The following NNT variants were observed in gnomAD, a reference collection of about 807,000 sequenced individuals.
NNT encodes NAD(P) transhydrogenase, mitochondrial.
A neutral mutation model predicts 104.8 loss-of-function variants in NNT; 50 were observed. That is an observed-to-expected ratio of 0.48 (90% CI 0.38 to 0.60). The LOEUF (loss-of-function observed/expected upper bound fraction) is 0.60, where lower values mean the gene tolerates loss of function less well. Ranked by LOEUF, NNT falls within the 20% of genes least tolerant of loss-of-function variation. The pLI is 0.00. For missense variants in NNT, 1,131 were observed against 1,330.7 expected (o/e 0.85, Z 2.33); for synonymous variants, 461 against 490.4 (o/e 0.94, Z 0.79).
At chr5:43,665,780 G>GCTC (rs1432400039) in intron 17 of NNT, among the ~76,000 whole-genome samples, 15 of 104,072 alleles carry the variant, frequency 1.4e-4, no homozygotes, top group Admixed American at 3.0e-4. Flanking sequence ...GGGCAGAGGG[G>GCTC]CTCACTTCCC....
chr5:43,640,013 T>C (rs544821304), intron 7 of NNT, among the ~76,000 whole-genome samples: 11 of 152,178 alleles, frequency 7.2e-5, no homozygotes, highest in Non-Finnish European at 1.3e-4. Flanking sequence ...ATAGAAAAGT[T>C]AAAGCCCAAT....
chr5:43,697,438 C>T (rs1742616018), intron 19 of NNT, among the ~76,000 whole-genome samples: 1 of 152,136 alleles, frequency 6.6e-6, no homozygotes. Context: ...CAAACTTTCC[C>T]ACGTTTTCCT....
intron 8 of NNT, 101 bp from the exon 9 acceptor site, chr5:43,644,510 T>C (rs143764471): frequency 1.1e-5 from 13 of 1,180,678 alleles, no homozygotes; most frequent in African/African-American, 7.8e-5. Context: ...CATAAAGATA[T>C]ATAATTACAA....
rs1740757314 is a variant in NNT, at chr5:43,667,240, C to T, written c.2634+7890C>T. The stretch of plus-strand genomic sequence containing the variant: ...GTTCTTGGACTTGGCCATGTCTGCA[C>T]CTTAAGCTGCCGGTCCCGAAGTGCC... On this transcript the variant is annotated intron_variant, in intron 17 of 21. Coordinates refer to ENST00000344920, the MANE Select transcript of NNT (RefSeq NM_182977.3). 5.4e-6 allele frequency: 5 copies of T among 925,586 alleles called. No individual in the cohort carries two copies. In the East Asian group the frequency reaches 1.2e-4, roughly 22 times the overall value. 57.3% of individuals were successfully genotyped at this position (925,586 alleles called of 1,614,324 possible).
At chr5:43,653,894 G>T (rs1426053865) in intron 14 of NNT, among the ~76,000 whole-genome samples, 7 of 151,754 alleles carry the variant, frequency 4.6e-5, no homozygotes, top group East Asian at 3.9e-4. Flanking sequence ...TGTGGAGGTT[G>T]CAGTGAGCTG....
rs373996130 is a variant in NNT at position 43,609,173 on chromosome 5, G to A, written c.-23G>A. On this transcript the variant is annotated 5_prime_UTR_variant, in exon 2 of 22. Transcript: ENST00000344920. ...TGCCTTCAAGGAAACTGGGGAGTCA[G>A]AAAATTGGGAACTCATATCAACATG... The A allele has an allele frequency of 9.0e-5, 143 of 1,591,170 alleles. No homozygotes were observed. In the African/African-American group the frequency reaches 1.7e-3, roughly 19 times the overall value.
intron 3 of NNT, 122 bp downstream of exon 3, chr5:43,613,259 C>A: frequency 1.3e-6 from 1 of 750,564 alleles, no homozygotes; most frequent in Non-Finnish European, 2.1e-6. Flanking sequence ...GTGTATTTTT[C>A]TCAAAGAAAT....
At chr5:43,647,485 A>G (rs1739515226) in intron 10 of NNT, among the ~76,000 whole-genome samples, 1 of 152,168 alleles carries the variant, frequency 6.6e-6, no homozygotes, top group African/African-American at 2.4e-5. Context: ...ATGAACTTAT[A>G]TGTGTTTTTC....
chr5:43,702,186 G>A (rs181964799), intron 20 of NNT, among the ~76,000 whole-genome samples: 3 of 152,258 alleles, frequency 2.0e-5, no homozygotes, highest in East Asian at 1.9e-4. Context: ...TTTTCACAAG[G>A]CTGATGTCCA....
intron 1 of NNT, among the ~76,000 whole-genome samples, chr5:43,608,741 G>T (rs1374353392): frequency 1.3e-5 from 2 of 152,164 alleles, no homozygotes; most frequent in East Asian, 3.8e-4. Context: ...AAATTCAAAG[G>T]TAACTGAATT....
chr5:43,627,823 C>T (rs1045847052), intron 6 of NNT, among the ~76,000 whole-genome samples: 1 of 152,034 alleles, frequency 6.6e-6, no homozygotes, highest in Non-Finnish European at 1.5e-5. Flanking sequence ...AGAATATTTA[C>T]AAGTGAAAAA....
chr5:43,667,130 C>T (rs1740747758), intron 17 of NNT: 4 of 1,499,910 alleles, frequency 2.7e-6, no homozygotes, highest in East Asian at 4.5e-5. Context: ...TTGGGGTCCA[C>T]CCCCTTAAGA....
chr5:43,695,932 C>T (rs529981316), intron 19 of NNT, among the ~76,000 whole-genome samples: 2 of 152,316 alleles, frequency 1.3e-5, no homozygotes, highest in South Asian at 4.1e-4. Flanking sequence ...TTACCTCCCA[C>T]TGGGTCTCTC....
Position 43,677,847 on chromosome 5 carries a change from A to ATG in NNT, c.2876+50_2876+51dup, listed in dbSNP as rs1446056303. 4.7e-6 allele frequency: 7 copies of ATG among 1,485,720 alleles called. No homozygotes were observed. The African/African-American group carries it at 5.5e-5, about 12-fold the overall frequency. The allele number at this position is 1,485,720 out of a possible 1,614,324, so 92.0% of individuals were successfully genotyped here. ...GGAGAGGCTTGCACTATGTGTAAAG[A>ATG]TGTGTGTGTGGAGAAAAGGAAATAC... On this transcript the variant is annotated intron_variant, in intron 19 of 21. Transcript: ENST00000344920.
chr5:43,630,432 A>G (rs1194267134), intron 7 of NNT, among the ~76,000 whole-genome samples: 1 of 152,188 alleles, frequency 6.6e-6, no homozygotes, highest in Non-Finnish European at 1.5e-5. Flanking sequence ...ATATTTTTCT[A>G]TATATGTGAG....
At chr5:43,701,814 A>G (rs1247430940) in intron 20 of NNT, among the ~76,000 whole-genome samples, 4 of 152,004 alleles carry the variant, frequency 2.6e-5, no homozygotes, top group African/African-American at 9.7e-5. Context: ...TTTGCTTTGC[A>G]TTTCTCTTAT....
intron 17 of NNT, among the ~76,000 whole-genome samples, chr5:43,668,837 G>A (rs1292379696): frequency 2.0e-5 from 3 of 152,172 alleles, no homozygotes; most frequent in Non-Finnish European, 4.4e-5. Context: ...GTAACTTGAT[G>A]GGGATGGCAT....
intron 19 of NNT, 93 bp downstream of exon 19, chr5:43,677,899 T>G: frequency 1.0e-6 from 1 of 1,004,966 alleles, no homozygotes; most frequent in Non-Finnish European, 1.6e-6. Context: ...ATGTAGGGGT[T>G]AGGGCACTGA....
chr5:43,635,039 C>T (rs548135033), intron 7 of NNT, among the ~76,000 whole-genome samples: 1 of 152,286 alleles, frequency 6.6e-6, no homozygotes, highest in East Asian at 1.9e-4. Context: ...GCACAAATAG[C>T]GTTACTGCTA....
Sources: allele counts gnomAD v4.1 joint callset (sites outside exome capture counted in the v4.1 genomes callset), GRCh38; gene constraint gnomAD v4.1.1; transcripts MANE v1.5; gene names NCBI Gene and HGNC (gene_info 2026-07-23, HGNC 2026-07-21).